The following TCF4 variants were observed in gnomAD, a reference collection of about 807,000 sequenced individuals.
The protein encoded by TCF4 is SL3-3 enhancer factor 2.
TCF4 carries 3 observed loss-of-function variants against 82.1 expected under a neutral mutation model. That is an observed-to-expected ratio of 0.04 (90% CI 0.02 to 0.09). The LOEUF (loss-of-function observed/expected upper bound fraction) is 0.09, where lower values mean the gene tolerates loss of function less well. Ranked by LOEUF, TCF4 falls within the 10% of genes least tolerant of loss-of-function variation. The probability of loss-of-function intolerance (pLI) is 1.00; values close to 1 mark genes in which losing one functional copy is unlikely to be tolerated. For missense variants in TCF4, 518 were observed against 852.7 expected, an observed-to-expected ratio of 0.61 and a Z score of 4.89; for synonymous variants, 276 against 309.6, an observed-to-expected ratio of 0.89 and a Z score of 1.14.
intron 2 of TCF4, among the ~76,000 whole-genome samples, chr18:55,627,301 G>C (rs1238926930): frequency 3.3e-5 from 5 of 152,132 alleles, no homozygotes; most frequent in Admixed American, 6.5e-5. Context: ...GAGTGATAGA[G>C]AGAAAAGCCA....
At chr18:55,275,275 G>GAAAAAAAAAA (rs533160424) in intron 10 of TCF4, among the ~76,000 whole-genome samples, 1 of 71,374 alleles carries the variant, frequency 1.4e-5, no homozygotes, top group Non-Finnish European at 2.7e-5. Context: ...ACTACAGATA[G>GAAAAAAAAAA]AAAAAAAAAA....
intron 6 of TCF4, 102 bp from the exon 7 acceptor site, chr18:55,351,105 A>G: frequency 2.0e-5 from 28 of 1,424,460 alleles, no homozygotes; most frequent in Non-Finnish European, 2.7e-5. Flanking sequence ...TAAAGCAAAC[A>G]GCATCTGCTA....
At chr18:55,332,942 AT>A (rs1192707990) in intron 8 of TCF4, among the ~76,000 whole-genome samples, 3 of 152,240 alleles carry the variant, frequency 2.0e-5, no homozygotes, top group Non-Finnish European at 4.4e-5. Context: ...ATAAAGGCCA[AT>A]TTGAAATAAA....
At chr18:55,585,429 T>C in intron 2 of TCF4, 77 bp from the exon 3 acceptor site, 1 of 1,311,074 alleles carries the variant, frequency 7.6e-7, no homozygotes, top group South Asian at 1.2e-5. Context: ...TCTTTCATAC[T>C]GTTACCAAAC....
At chr18:55,537,933 C>T (rs2097131551) in intron 3 of TCF4, among the ~76,000 whole-genome samples, 1 of 151,968 alleles carries the variant, frequency 6.6e-6, no homozygotes, top group East Asian at 1.9e-4. Context: ...CTGCTCCTAT[C>T]GTACATGGTG....
intron 3 of TCF4, among the ~76,000 whole-genome samples, chr18:55,509,209 G>A (rs1158322341): frequency 6.6e-6 from 1 of 152,044 alleles, no homozygotes; most frequent in African/African-American, 2.4e-5. Flanking sequence ...ACTAGACACA[G>A]GGCAGGTTTT....
At chr18:55,485,762 G>T (rs781027929) in intron 3 of TCF4, among the ~76,000 whole-genome samples, 5 of 152,182 alleles carry the variant, frequency 3.3e-5, no homozygotes, top group Admixed American at 2.0e-4. Flanking sequence ...TTAGCTATAC[G>T]CATTTTTCTG....
chr18:55,261,886 A>C (rs1297819745), intron 11 of TCF4, among the ~76,000 whole-genome samples: 7 of 152,142 alleles, frequency 4.6e-5, no homozygotes, highest in Non-Finnish European at 1.0e-4. Context: ...GCTTTTCTTT[A>C]TATTATTTTA....
At chr18:55,422,322 A>C (rs1406278810) in intron 5 of TCF4, 5 of 985,226 alleles carry the variant, frequency 5.1e-6, no homozygotes, top group Non-Finnish European at 6.0e-6. Flanking sequence ...AGAACACAAC[A>C]TGCTGGGGCT....
intron 15 of TCF4, among the ~76,000 whole-genome samples, chr18:55,242,635 A>C (rs1421900129): frequency 1.4e-5 from 2 of 145,812 alleles, no homozygotes; most frequent in Admixed American, 6.8e-5. Flanking sequence ...TTTAAGATGG[A>C]GTGTTGCTTT....
chr18:55,309,806 T>C (rs932500907), intron 8 of TCF4, among the ~76,000 whole-genome samples: 2 of 152,122 alleles, frequency 1.3e-5, no homozygotes, highest in Non-Finnish European at 2.9e-5. Flanking sequence ...GAGGGACATA[T>C]GGACTATAAG....
chr18:55,288,398 AG>A (rs781118876), intron 8 of TCF4, among the ~76,000 whole-genome samples: 1 of 152,352 alleles, frequency 6.6e-6, no homozygotes, highest in Non-Finnish European at 1.5e-5. Context: ...TTTATGGCTA[AG>A]GGATCTGAGG....
chr18:55,588,388 C>T (rs1430484695), upstream of TCF4: 2 of 1,532,532 alleles, frequency 1.3e-6, no homozygotes, highest in Non-Finnish European at 1.7e-6. Flanking sequence ...ATCCCCCTCG[C>T]ACCCACCCCG....
At chr18:55,404,007 C>A (rs1033328836) in intron 5 of TCF4, 1 of 1,208,468 alleles carries the variant, frequency 8.3e-7, no homozygotes, top group Admixed American at 4.1e-5. Flanking sequence ...CTCTCTCTCT[C>A]TCTTTTTTAA....
At chr18:55,466,328 G>T (rs1008385305) in intron 3 of TCF4, among the ~76,000 whole-genome samples, 1 of 151,990 alleles carries the variant, frequency 6.6e-6, no homozygotes, top group Non-Finnish European at 1.5e-5. Flanking sequence ...AGATTCTGTC[G>T]CTACAAAAAT....
At chr18:55,383,342 C>A (rs527266891) in intron 6 of TCF4, among the ~76,000 whole-genome samples, 46 of 152,220 alleles carry the variant, frequency 3.0e-4, no homozygotes, top group South Asian at 2.1e-3. Context: ...TATCCAATAC[C>A]CACACACTGT....
chr18:55,261,169 T>G, intron 12 of TCF4: 1 of 388,444 alleles, frequency 2.6e-6, no homozygotes. Context: ...CCATATTACT[T>G]TAGAGAAAAA....
chr18:55,238,625 C>T (rs2050253368), intron 15 of TCF4, among the ~76,000 whole-genome samples: 1 of 152,132 alleles, frequency 6.6e-6, no homozygotes, highest in South Asian at 2.1e-4. Flanking sequence ...TTTTCTGTAG[C>T]TTAGGTTTTG....
intron 6 of TCF4, among the ~76,000 whole-genome samples, chr18:55,396,347 C>A (rs2093489193): frequency 6.6e-6 from 1 of 152,182 alleles, no homozygotes; most frequent in Admixed American, 6.5e-5. Context: ...TTTATATTGG[C>A]ACCTAATACT....
Sources: allele counts gnomAD v4.1 joint callset (sites outside exome capture counted in the v4.1 genomes callset), GRCh38; gene constraint gnomAD v4.1.1; transcripts MANE v1.5; gene names NCBI Gene and HGNC (gene_info 2026-07-23, HGNC 2026-07-21).